PCARE: variants seen among roughly 807,000 people sequenced by gnomAD.
PCARE encodes the protein uncharacterized protein C2orf71.
In PCARE, 72 loss-of-function variants were observed where a neutral mutation model predicts 82.2. That is an observed-to-expected ratio of 0.88 (90% CI 0.72 to 1.07). The LOEUF is 1.07. Ranked by LOEUF, PCARE falls within the 50% of genes least tolerant of loss-of-function variation. The pLI, the probability that PCARE is intolerant of heterozygous loss-of-function variation, is 0.00. For missense variants in PCARE, 1,768 were observed against 1,592.4 expected (o/e 1.11, Z -1.88); for synonymous variants, 705 against 634.8 (o/e 1.11, Z -1.66).
In PCARE at chr2:29,074,110, TAGC is replaced by T. The variant is rs767723376; in HGVS notation, c.149_151del (p.Cys50del). ...CTCTGCCAGGCCCTCCCCAGCGTCA[TAGC>T]AGGTGGAGTTTTTAACCAGCAAAGG... On this transcript the variant is annotated inframe_deletion, in exon 1 of 2. Transcript: ENST00000331664. 5 of 1,614,052 alleles carry T rather than the reference TAGC, an allele frequency of 3.1e-6. No individual in the cohort carries two copies. The African/African-American group carries it at 4.0e-5, about 13-fold the overall frequency.
rs59833221 is a variant in PCARE at position 29,065,071 on chromosome 2, C to CTGT, written c.3669-5_3669-4insACA. On this transcript the variant is annotated splice_polypyrimidine_tract_variant and splice_region_variant and intron_variant, in intron 1 of 1. Transcript: ENST00000331664. ...CTTAGGGCTCTCCTCGCTGCTGCTG[C>CTGT]CGAGAGAAAGGACAAGTGCAGGTCA... 1 of 1,550,182 alleles carries CTGT rather than the reference C, an allele frequency of 6.5e-7. No homozygotes were observed. The highest frequency in any genetic ancestry group is 8.7e-7 in the Non-Finnish European group (1 of 1,146,932).
At chr2:29,066,889 C>T (rs1667399148) in intron 1 of PCARE, among the ~76,000 whole-genome samples, 1 of 152,238 alleles carries the variant, frequency 6.6e-6, no homozygotes, top group Admixed American at 6.5e-5. Context: ...TTCTCAAATG[C>T]ACACAGTGCC....
In PCARE at chr2:29,072,540, G is replaced by GA; in HGVS notation, c.1721dup (p.Arg577LysfsTer3). On this transcript the variant is annotated frameshift_variant, in exon 1 of 2. Transcript: ENST00000331664. LOFTEE classifies it high-confidence loss of function. Reference sequence around the variant, plus strand: ...CACTTACCGTGCTAGGTCTTGGGGGGACCACTGTCCTCCCCTCCTCCTCCT... The same window carrying GA: ...CACTTACCGTGCTAGGTCTTGGGGGGAACCACTGTCCTCCCCTCCTCCTCCT... The GA allele has an allele frequency of 6.2e-7, 1 of 1,614,128 alleles. No individual in the cohort carries two copies. The highest frequency in any genetic ancestry group is 8.5e-7 in the Non-Finnish European group (1 of 1,180,000).
chr2:29,067,964 A>G (rs1667415417), intron 1 of PCARE, among the ~76,000 whole-genome samples: 2 of 152,256 alleles, frequency 1.3e-5, no homozygotes, highest in African/African-American at 2.4e-5. Context: ...AGAGAAGGGC[A>G]TCATTTTCTT....
chr2:29,073,224 G>A lies in PCARE; in HGVS notation c.1038C>T (p.Cys346=), dbSNP rs375934871. 6.2e-6 allele frequency: 10 copies of A among 1,613,998 alleles called. No homozygotes were observed. Among genetic ancestry groups the A allele is most frequent in the Admixed American group, 3.3e-5 (2 of 60,008 alleles). The part of the protein sequence containing the change: ...GDPGVQGLPL[C]SEDSGIGADN... The stretch of plus-strand genomic sequence containing the variant: ...CAGCACCAATGCCACTGTCCTCAGA[G>A]CATAAGGGGAGACCCTGCACCCCAG... The change falls in exon 1 of 2, where the codon TGC becomes TGT. Residue 346 remains cysteine, a synonymous_variant. Coordinates refer to ENST00000331664, the MANE Select transcript of PCARE (RefSeq NM_001029883.3).
intron 1 of PCARE, among the ~76,000 whole-genome samples, chr2:29,066,373 A>T (rs1425697845): frequency 6.6e-6 from 1 of 152,140 alleles, no homozygotes; most frequent in Non-Finnish European, 1.5e-5. Flanking sequence ...TACTACAGGG[A>T]CTATGAGGCC....
At position 29,071,127 on chromosome 2, in the gene PCARE, C is replaced by A; in HGVS notation, c.3135G>T (p.Lys1045Asn). 6.3e-7 allele frequency: 1 copy of A among 1,584,410 alleles called. No homozygotes were observed. Among genetic ancestry groups the A allele is most frequent in the African/African-American group, 1.4e-5 (1 of 73,676 alleles). The change falls in exon 1 of 2, where the codon AAG becomes AAT. Residue 1045 changes from lysine to asparagine, a missense_variant. Transcript: ENST00000331664. ...GCTGGTGCGGTGGGGAAGTTCGCCG[C>A]TTTGTGGTGGGTGGGCTTAGCACCC... is the stretch of plus-strand genomic sequence containing the variant. ...SPRVLSPPTT[K>N]RRTSPPHQPK...
intron 1 of PCARE, among the ~76,000 whole-genome samples, chr2:29,067,462 G>A (rs540054448): frequency 1.8e-3 from 267 of 152,280 alleles, no homozygotes; most frequent in African/African-American, 5.8e-3. Flanking sequence ...GTCATAAGAG[G>A]CGGGGGAATG....
Position 29,073,446 on chromosome 2 carries a change from C to A in PCARE, c.816G>T (p.Gln272His). 1 of 1,614,154 alleles carries A rather than the reference C, an allele frequency of 6.2e-7. No individual in the cohort carries two copies. The highest frequency in any genetic ancestry group is 8.5e-7 in the Non-Finnish European group (1 of 1,180,026). ...GCACCTGCAGCTTGCTGACTGTGTA[C>A]TGTAGCAGCTGTTGCAGGAGATTTG... ...EQPNLLQQLL[Q>H]YTVSKLQVLN... The change falls in exon 1 of 2, where the codon CAG becomes CAT. Residue 272 changes from glutamine to histidine, a missense_variant. Coordinates refer to ENST00000331664, the MANE Select transcript of PCARE (RefSeq NM_001029883.3).
Position 29,070,605 on chromosome 2 carries a change from G to T in PCARE, c.3657C>A (p.Leu1219=), listed in dbSNP as rs778263172. The T allele has an allele frequency of 3.4e-5, 55 of 1,613,894 alleles. No homozygotes were observed. The highest frequency in any genetic ancestry group is 4.2e-5 in the Non-Finnish European group (49 of 1,179,908). ...AGGACACTCCTTACCTGTTCTGGCC[G>T]AGCTGGGATTCATAAGAGGTGCTGG... is the stretch of plus-strand genomic sequence containing the variant. The part of the protein sequence containing the change: ...DPTSTSYESQ[L]GQNSSSEESP... The change falls in exon 1 of 2, where the codon CTC becomes CTA. Residue 1219 remains leucine, a synonymous_variant. Transcript: ENST00000331664.
rs1235696603 is a variant in PCARE, at chr2:29,063,405, C to T, written c.*1464G>A. 3 of 152,446 alleles carry T rather than the reference C, an allele frequency of 2.0e-5. No individual in the cohort carries two copies. Among genetic ancestry groups the T allele is most frequent in the South Asian group, 4.1e-4 (2 of 4,826 alleles). The allele number at this position is 152,446 out of a possible 1,614,324, so 9.4% of individuals were successfully genotyped here. A position where few individuals can be genotyped will look rare whatever the true frequency, so the allele number is the denominator to read the frequency against. On this transcript the variant is annotated 3_prime_UTR_variant, in exon 2 of 2. Transcript: ENST00000331664. ...CCTCTTGGTAGTTTAATCAGCTGTT[C>T]TTTGGGTGCCTTTGAATAATAATTG...
Position 29,073,146 on chromosome 2 carries a change from G to A in PCARE, c.1116C>T (p.Asp372=). 3.1e-6 allele frequency: 5 copies of A among 1,614,096 alleles called. No individual in the cohort carries two copies. Among genetic ancestry groups the A allele is most frequent in the Non-Finnish European group, 4.2e-6 (5 of 1,180,010 alleles). ...TCCATTCTTCGGGCTCTGGTGCAAG[G>A]TCCCAGCTGGTTTGCTTGCCCAGCT... ...VDKLGKQTSW[D]LAPEPEEWKS... is the part of the protein sequence containing the mutation. The change falls in exon 1 of 2, where the codon GAC becomes GAT. Residue 372 remains aspartate (D), a synonymous_variant. Transcript: ENST00000331664.
chr2:29,071,779 T>C lies in PCARE; in HGVS notation c.2483A>G (p.Glu828Gly). 1 of 1,613,616 alleles carries C rather than the reference T, an allele frequency of 6.2e-7. No individual in the cohort carries two copies. The highest frequency in any genetic ancestry group is 8.5e-7 in the Non-Finnish European group (1 of 1,179,582). ...ELSCEMEGNL[E>G]HLPPPPMEVL... ...TTCCATAGGCGGTGGAGGGAGGTGCTCGAGGTTCCCCTCCATTTCACAGCT... is the reference window on the plus strand; with the variant it reads ...TTCCATAGGCGGTGGAGGGAGGTGCCCGAGGTTCCCCTCCATTTCACAGCT... The change falls in exon 1 of 2, where the codon GAG (glutamate) becomes GGG (glycine). Residue 828 changes from glutamate (E) to glycine (G), a missense_variant. Coordinates refer to ENST00000331664, the MANE Select transcript of PCARE (RefSeq NM_001029883.3).
rs893826658 is a variant in PCARE, at chr2:29,073,315, T to G, written c.947A>C (p.Asn316Thr). The G allele has an allele frequency of 8.7e-6, 14 of 1,613,912 alleles. No homozygotes were observed. In the African/African-American group the frequency reaches 1.9e-4, roughly 22 times the overall value. ...AGCCCTCAGGAGGCGTTCATCCACA[T>G]TCCTTTTTGTGCTCAGCTTATTTTC... is the stretch of plus-strand genomic sequence containing the variant. ...HLENKLSTKR[N>T]VDERLLRALR... The change falls in exon 1 of 2, where the codon AAT becomes ACT. Residue 316 changes from asparagine (N) to threonine (T), a missense_variant. Asn to Thr is a moderately conservative substitution (Grantham distance 65). Coordinates refer to ENST00000331664, the MANE Select transcript of PCARE (RefSeq NM_001029883.3).
chr2:29,070,654 G>T lies in PCARE; in HGVS notation c.3608C>A (p.Pro1203Gln). 3 of 1,614,122 alleles carry T rather than the reference G, an allele frequency of 1.9e-6. No individual in the cohort carries two copies. Among genetic ancestry groups the T allele is most frequent in the Non-Finnish European group, 2.5e-6 (3 of 1,179,984 alleles). Residue 1203 changes from proline (P) to glutamine (Q), a missense_variant, in exon 1 of 2, where the codon CCG becomes CAG. Pro to Gln is a moderately conservative substitution (Grantham distance 76, BLOSUM62 -1). Coordinates refer to ENST00000331664, the MANE Select transcript of PCARE (RefSeq NM_001029883.3). ...GGTGGGGTCCAAGGTGGGAGGCTGC[G>T]GTCGGCCACCTGGCTGGCGGTCAGA... is the stretch of plus-strand genomic sequence containing the variant. ...TASDRQPGGR[P>Q]QPPTLDPTST... is the part of the protein sequence containing the mutation.
In PCARE at chr2:29,072,626, C is replaced by T. The variant is rs977046286; in HGVS notation, c.1636G>A (p.Glu546Lys). The change falls in exon 1 of 2, where the codon GAG (glutamate) becomes AAG (lysine). Residue 546 changes from glutamate (E) to lysine (K), a missense_variant. Coordinates refer to ENST00000331664, the MANE Select transcript of PCARE (RefSeq NM_001029883.3). ...QAQEMILKMK[E>K]SISERIKFVP... ...AACTTGATCCTTTCGCTGATTGACT[C>T]CTTCATCTTCAGAATCATTTCCTGG... 1.9e-6 allele frequency: 3 copies of T among 1,614,136 alleles called. No homozygotes were observed. Among genetic ancestry groups the T allele is most frequent in the East Asian group, 2.2e-5 (1 of 44,876 alleles).
chr2:29,073,175 C>G lies in PCARE; in HGVS notation c.1087G>C (p.Asp363His), dbSNP rs1195065700. 1.4e-5 allele frequency: 23 copies of G among 1,614,148 alleles called. No individual in the cohort carries two copies. Among genetic ancestry groups the G allele is most frequent in the Non-Finnish European group, 1.9e-5 (22 of 1,180,030 alleles). The change falls in exon 1 of 2, where the codon GAC (aspartate) becomes CAC (histidine). Residue 363 changes from aspartate to histidine, a missense_variant. By Grantham distance (81) the Asp-to-His change is moderately conservative (BLOSUM62 -1). Transcript: ENST00000331664. Reference protein sequence around the residue: ...GADNESVQSVDKLGKQTSWDL... With the variant: ...GADNESVQSVHKLGKQTSWDL... ...CAGCTGGTTTGCTTGCCCAGCTTGT[C>G]CACCGACTGCACGGACTCATTGTCA...
chr2:29,074,017 G>T lies in PCARE; in HGVS notation c.245C>A (p.Ala82Asp). ...KGLCQLMGDP[A>D]SGKRKDMEGL... ...TTCCATATCTTTCCTTTTGCCTGAA[G>T]CAGGATCTCCCATGAGCTGACAAAG... The change falls in exon 1 of 2, where the codon GCT becomes GAT. Residue 82 changes from alanine to aspartate, a missense_variant. Ala to Asp is a moderately radical substitution (Grantham distance 126). Transcript: ENST00000331664. 6.2e-7 allele frequency: 1 copy of T among 1,614,172 alleles called. No individual in the cohort carries two copies. Among genetic ancestry groups the T allele is most frequent in the Non-Finnish European group, 8.5e-7 (1 of 1,180,030 alleles).
In PCARE at chr2:29,071,770, G is replaced by C; in HGVS notation, c.2492C>G (p.Pro831Arg). 6.2e-7 allele frequency: 1 copy of C among 1,613,636 alleles called. No individual in the cohort carries two copies. The highest frequency in any genetic ancestry group is 2.2e-5 in the East Asian group (1 of 44,874). Residue 831 changes from proline to arginine, a missense_variant, in exon 1 of 2, where the codon CCT becomes CGT. Physicochemically the swap from Pro to Arg is moderately radical, Grantham distance 103 (BLOSUM62 -2). Transcript: ENST00000331664. Reference protein sequence around the residue: ...CEMEGNLEHLPPPPMEVLMDK... With the variant: ...CEMEGNLEHLRPPPMEVLMDK... ...CATCAGAACTTCCATAGGCGGTGGA[G>C]GGAGGTGCTCGAGGTTCCCCTCCAT... is the stretch of plus-strand genomic sequence containing the variant.
Sources: allele counts gnomAD v4.1 joint callset (sites outside exome capture counted in the v4.1 genomes callset), GRCh38; gene constraint gnomAD v4.1.1; transcripts MANE v1.5; gene names NCBI Gene and HGNC (gene_info 2026-07-23, HGNC 2026-07-21).